Variants in FDXR observed in about 807,000 individuals in gnomAD.
FDXR encodes the protein ferredoxin reductase.
FDXR carries 38 observed loss-of-function variants against 58.3 expected under a neutral mutation model. The ratio of observed to expected loss-of-function variants is 0.65; its 90% confidence interval spans 0.50 to 0.85. The LOEUF (loss-of-function observed/expected upper bound fraction) is 0.85, where lower values mean the gene tolerates loss of function less well. Among genes scored for constraint, FDXR ranks in the 40% least tolerant of loss-of-function variants. FDXR has a pLI of 0.00. For synonymous variants in FDXR, 275 were observed against 273.8 expected (o/e 1.00, Z -0.04); for missense variants, 624 against 671.0 (o/e 0.93, Z 0.77).
In FDXR at chr17:74,862,736, A is replaced by C; in HGVS notation, c.*81T>G. 4.7e-6 allele frequency: 7 copies of C among 1,500,352 alleles called. No homozygotes were observed. Among genetic ancestry groups the C allele is most frequent in the Non-Finnish European group, 5.3e-6 (6 of 1,124,640 alleles). 92.9% of individuals were successfully genotyped at this position (1,500,352 alleles called of 1,614,324 possible). A position where few individuals can be genotyped will look rare whatever the true frequency, so the allele number is the denominator to read the frequency against. On this transcript the variant is annotated 3_prime_UTR_variant, in exon 12 of 12. Transcript: ENST00000293195. ...GGCCGGCCGGGATCAGCAGAGGTGC[A>C]AAGTCCCACTCAGACGGACCCAGCC...
At chr17:74,870,200 GC>G in intron 2 of FDXR, 2 of 282,716 alleles carry the variant, frequency 7.1e-6, no homozygotes, top group Non-Finnish European at 1.5e-5. Flanking sequence ...GCACGTGTCT[GC>G]CAGCTGAATA....
At chr17:74,868,860 T>A in intron 2 of FDXR, 1 of 965,272 alleles carries the variant, frequency 1.0e-6, no homozygotes, top group Admixed American at 2.9e-5. Flanking sequence ...ACTCTCTCTC[T>A]CCTGCCCAGA....
chr17:74,871,596 G>A (rs1426251195), intron 2 of FDXR, among the ~76,000 whole-genome samples: 4 of 152,180 alleles, frequency 2.6e-5, no homozygotes, highest in African/African-American at 9.7e-5. Context: ...AGAATGGCAC[G>A]GAGGACTGGA....
rs1442647519 is a variant in FDXR at position 74,872,088 on chromosome 17, C to A, written c.125G>T (p.Cys42Phe). Residue 42 changes from cysteine (C) to phenylalanine (F), a missense_variant, in exon 2 of 12, where the codon TGT (cysteine) becomes TTT (phenylalanine). Transcript: ENST00000293195. ...GCCAGCTGGGCCACTGCCCACCACA[C>A]AGATCTGGGGGGTCTTCTCCTGTGT... ...FSTQEKTPQI[C>F]VVGSGPAGFY... The A allele has an allele frequency of 2.5e-6, 4 of 1,606,978 alleles. No homozygotes were observed. The highest frequency in any genetic ancestry group is 3.4e-6 in the Non-Finnish European group (4 of 1,176,232).
In FDXR at chr17:74,862,952, A is replaced by G. The variant is rs1225395475; in HGVS notation, c.1346-5T>C. ...AGAAAGAGACTGGCCGGACCCCTGAAGCAGAGGGGAGATTGTCAACACCTC... is the reference window on the plus strand; with the variant it reads ...AGAAAGAGACTGGCCGGACCCCTGAGGCAGAGGGGAGATTGTCAACACCTC... On this transcript the variant is annotated splice_polypyrimidine_tract_variant and splice_region_variant and intron_variant, in intron 11 of 11. Coordinates refer to ENST00000293195, the MANE Select transcript of FDXR (RefSeq NM_024417.5). The G allele has an allele frequency of 1.2e-6, 2 of 1,610,776 alleles. No individual in the cohort carries two copies. The highest frequency in any genetic ancestry group is 1.3e-5 in the African/African-American group (1 of 74,930).
chr17:74,872,817 G>A (rs1259244382), intron 1 of FDXR, 49 bp downstream of exon 1: 2 of 1,541,792 alleles, frequency 1.3e-6, no homozygotes, highest in Non-Finnish European at 1.7e-6. Flanking sequence ...CTCAGCGCTC[G>A]CAGGCCTCCC....
intron 2 of FDXR, chr17:74,868,621 T>C (rs1187019222): frequency 6.5e-7 from 1 of 1,535,662 alleles, no homozygotes; most frequent in East Asian, 2.4e-5. Context: ...CAGGGCCACC[T>C]CCGGAACGCT....
Position 74,864,346 on chromosome 17 carries a change from C to G in FDXR, c.804G>C (p.Glu268Asp), listed in dbSNP as rs758443678. Residue 268 changes from glutamate to aspartate, a missense_variant and splice_region_variant, in exon 9 of 12, where the codon GAG becomes GAC. Transcript: ENST00000293195. ...TCAGCCGCTTCCTCGGGCGGGGGACCTCTGTCAGCAACGTAGAATGTCTCC... is the reference window on the plus strand; with the variant it reads ...TCAGCCGCTTCCTCGGGCGGGGGACGTCTGTCAGCAACGTAGAATGTCTCC... The part of the protein sequence containing the change: ...DFLGLQDKIK[E>D]VPRPRKRLTE... The G allele has an allele frequency of 1.3e-6, 2 of 1,576,074 alleles. No homozygotes were observed. Among genetic ancestry groups the G allele is most frequent in the South Asian group, 2.3e-5 (2 of 87,430 alleles).
chr17:74,868,886 C>A, intron 2 of FDXR: 1 of 749,632 alleles, frequency 1.3e-6, no homozygotes, highest in Non-Finnish European at 2.1e-6. Flanking sequence ...CCCCAAGCTC[C>A]AAACCTGAGA....
chr17:74,863,754 C>A (rs562132726), intron 10 of FDXR, 142 bp downstream of exon 10: 5 of 1,017,258 alleles, frequency 4.9e-6, no homozygotes, highest in Non-Finnish European at 7.3e-6. Context: ...AAGAGGAGGG[C>A]GGCACTGGGT....
Position 74,863,030 on chromosome 17 carries a change from G to T in FDXR, c.1345+46C>A, listed in dbSNP as rs913895542. 6 of 1,602,120 alleles carry T rather than the reference G, an allele frequency of 3.7e-6. No individual in the cohort carries two copies. The African/African-American group carries it at 8.0e-5, about 21-fold the overall frequency. On this transcript the variant is annotated intron_variant, in intron 11 of 11. Transcript: ENST00000293195. Reference sequence around the variant, plus strand: ...CTCCCAAAGAGTGAGGCCCAGAGAAGGACCACCCACCCCACCTCCCAGGAC... The same window carrying T: ...CTCCCAAAGAGTGAGGCCCAGAGAATGACCACCCACCCCACCTCCCAGGAC...
chr17:74,866,317 C>T, intron 4 of FDXR, 73 bp from the exon 5 acceptor site: 1 of 1,567,238 alleles, frequency 6.4e-7, no homozygotes, highest in Non-Finnish European at 8.7e-7. Flanking sequence ...GCCCCCCAGG[C>T]TCCCAGCGGC....
chr17:74,870,759 C>T (rs950206627), intron 2 of FDXR, among the ~76,000 whole-genome samples: 1 of 148,834 alleles, frequency 6.7e-6, no homozygotes, highest in African/African-American at 2.5e-5. Flanking sequence ...CACCAAAGCC[C>T]TTGGTCTGCT....
At chr17:74,867,421 G>A (rs906436760) in intron 2 of FDXR, among the ~76,000 whole-genome samples, 7 of 151,828 alleles carry the variant, frequency 4.6e-5, no homozygotes, top group Admixed American at 1.3e-4. Flanking sequence ...ATATCAGGGC[G>A]GCTTCTTTAT....
intron 2 of FDXR, among the ~76,000 whole-genome samples, chr17:74,869,291 T>A (rs913004720): frequency 2.0e-5 from 3 of 152,058 alleles, no homozygotes; most frequent in Non-Finnish European, 4.4e-5. Context: ...TTTGATTAGG[T>A]CCAAGTTAGG....
chr17:74,866,822 C>A lies in FDXR; in HGVS notation c.232G>T (p.Val78Leu), dbSNP rs1045818976. Residue 78 changes from valine (V) to leucine (L), a missense_variant, in exon 3 of 12, where the codon GTG (valine) becomes TTG (leucine). Val to Leu is a conservative substitution (Grantham distance 32, BLOSUM62 1). Transcript: ENST00000293195. Reference sequence around the variant, plus strand: ...TGATCAGGCGCCACACCAAAGCGCACCAGGCCAAAGGGCACAGGCTGTTTC... The same window carrying A: ...TGATCAGGCGCCACACCAAAGCGCAACAGGCCAAAGGGCACAGGCTGTTTC... ...YEKQPVPFGLVRFGVAPDHPE... is the reference protein window; with the variant it reads ...YEKQPVPFGLLRFGVAPDHPE... 7 of 1,614,058 alleles carry A rather than the reference C, an allele frequency of 4.3e-6. No homozygotes were observed. In the African/African-American group the frequency reaches 8.0e-5, roughly 18 times the overall value.
At chr17:74,863,775 G>A in intron 10 of FDXR, 121 bp downstream of exon 10, 1 of 1,286,392 alleles carries the variant, frequency 7.8e-7, no homozygotes, top group Non-Finnish European at 1.1e-6. Context: ...CCTAGAGAGG[G>A]CCTGCCCTGC....
At chr17:74,863,280 G>A in intron 10 of FDXR, 34 bp from the exon 11 acceptor site, 2 of 1,593,698 alleles carry the variant, frequency 1.3e-6, no homozygotes, top group Non-Finnish European at 1.7e-6. Flanking sequence ...AAGGGAGGGA[G>A]GTGGCTGGAT....
chr17:74,866,351 T>C, intron 4 of FDXR, 95 bp downstream of exon 4: 1 of 1,573,010 alleles, frequency 6.4e-7, no homozygotes, highest in Non-Finnish European at 8.7e-7. Context: ...CTCAGCAGCT[T>C]GCATCCTGGC....
Sources: gnomAD v4.1 joint callset for allele counts (sites outside exome capture counted in the v4.1 genomes callset) on GRCh38, gnomAD v4.1.1 for gene constraint, MANE v1.5 for transcripts, NCBI Gene and HGNC (gene_info 2026-07-23, HGNC 2026-07-21) for gene names.